MNAT1: variants seen among roughly 807,000 people sequenced by gnomAD.
MNAT1 encodes MNAT1 component of CDK activating kinase, also known as CDK-activating kinase assembly factor MAT1.
MNAT1 carries 43 observed loss-of-function variants against 42.0 expected under a neutral mutation model. That is an observed-to-expected ratio of 1.02 (90% CI 0.80 to 1.32). The LOEUF (loss-of-function observed/expected upper bound fraction) is 1.32. Among genes scored for constraint, MNAT1 ranks in the 40% most tolerant of loss-of-function variants. The pLI is 0.00. For synonymous variants in MNAT1, 118 were observed against 120.0 expected, an observed-to-expected ratio of 0.98 and a Z score of 0.11; for missense variants, 306 against 350.4, an observed-to-expected ratio of 0.87 and a Z score of 1.01.
chr14:60,862,978 T>G (rs2034130202), intron 6 of MNAT1, among the ~76,000 whole-genome samples: 2 of 152,082 alleles, frequency 1.3e-5, no homozygotes, highest in South Asian at 4.1e-4. Flanking sequence ...TGGATGAGTT[T>G]TAATAAAAAT....
intron 7 of MNAT1, among the ~76,000 whole-genome samples, chr14:60,884,080 C>G (rs538923736): frequency 6.6e-6 from 1 of 151,552 alleles, no homozygotes; most frequent in South Asian, 2.1e-4. Flanking sequence ...TCTGATTGCT[C>G]TAGCTAGGAC....
At chr14:60,759,420 A>G (rs2030502590) in intron 1 of MNAT1, among the ~76,000 whole-genome samples, 1 of 152,224 alleles carries the variant, frequency 6.6e-6, no homozygotes, top group African/African-American at 2.4e-5. Context: ...AACAAAACAA[A>G]AAATGAATTA....
chr14:60,827,281 A>C (rs1270949376), intron 6 of MNAT1, among the ~76,000 whole-genome samples: 1 of 152,178 alleles, frequency 6.6e-6, no homozygotes, highest in Non-Finnish European at 1.5e-5. Context: ...CTTTTTAAGT[A>C]TTTTAACCCT....
At chr14:60,741,083 T>C (rs565086596) in intron 1 of MNAT1, among the ~76,000 whole-genome samples, 2 of 152,336 alleles carry the variant, frequency 1.3e-5, no homozygotes, top group African/African-American at 4.8e-5. Flanking sequence ...CATTTCTCCT[T>C]TTATCATTAT....
rs559243210 is a variant in MNAT1, at chr14:60,797,427, T to G, written c.243-660T>G. On this transcript the variant is annotated intron_variant, in intron 2 of 7. Coordinates refer to ENST00000261245, the MANE Select transcript of MNAT1 (RefSeq NM_002431.4). Reference sequence around the variant, plus strand: ...TGTGTTTTGGAAATTAGTGAATCCCTTAGAAGTAAATAATACCATAATTTC... The same window carrying G: ...TGTGTTTTGGAAATTAGTGAATCCCGTAGAAGTAAATAATACCATAATTTC... 6.7e-4 allele frequency among the ~76,000 whole-genome samples: 102 copies of G among 151,454 alleles called. No individual in the cohort carries two copies. In the South Asian group the frequency reaches 0.022, roughly 32 times the overall value.
At chr14:60,900,048 ATCTC>A (rs61149455) in intron 7 of MNAT1, among the ~76,000 whole-genome samples, 2,735 of 136,376 alleles carry the variant, frequency 0.02, 62 homozygotes, top group African/African-American at 0.063. Context: ...CTGTTTCCCC[ATCTC>A]TCTCTCTCTC....
At chr14:60,858,904 C>T (rs1288552862) in intron 6 of MNAT1, among the ~76,000 whole-genome samples, 1 of 152,184 alleles carries the variant, frequency 6.6e-6, no homozygotes, top group Non-Finnish European at 1.5e-5. Flanking sequence ...AGAGTATAAA[C>T]ATAGCTTTTA....
At chr14:60,959,420 C>A (rs949442608) in intron 7 of MNAT1, among the ~76,000 whole-genome samples, 19 of 152,204 alleles carry the variant, frequency 1.2e-4, no homozygotes, top group African/African-American at 3.9e-4. Flanking sequence ...CCAGTCTCTT[C>A]AGCAATCTGG....
At chr14:60,873,663 G>GGTC in intron 6 of MNAT1, among the ~76,000 whole-genome samples, 1 of 147,440 alleles carries the variant, frequency 6.8e-6, no homozygotes, top group Non-Finnish European at 1.5e-5. Context: ...TTGTAGAGAT[G>GGTC]GCTCACTATG....
intron 7 of MNAT1, among the ~76,000 whole-genome samples, chr14:60,910,231 T>G (rs147275423): frequency 1.8e-4 from 28 of 152,056 alleles, no homozygotes; most frequent in African/African-American, 6.5e-4. Flanking sequence ...TGGGCCGAGA[T>G]GATGGGGTTT....
intron 7 of MNAT1, among the ~76,000 whole-genome samples, chr14:60,923,733 C>CT (rs908787785): frequency 3.9e-5 from 6 of 152,114 alleles, no homozygotes; most frequent in South Asian, 2.1e-4. Flanking sequence ...AATCCCAGTA[C>CT]TTTGAGAGGC....
At chr14:60,898,120 TGTGTGTGTGTGTGTGTGTGTGC>T (rs1295383836) in intron 7 of MNAT1, among the ~76,000 whole-genome samples, 6 of 80,044 alleles carry the variant, frequency 7.5e-5, no homozygotes, top group East Asian at 3.1e-4. Context: ...TGTGTGTGTG[TGTGTGTGTGTGTGTGTGTGTGC>T]GCGCGCCACA....
intron 6 of MNAT1, among the ~76,000 whole-genome samples, chr14:60,872,311 C>A (rs555867050): frequency 1.4e-4 from 22 of 152,160 alleles, no homozygotes; most frequent in Non-Finnish European, 2.5e-4. Flanking sequence ...GACCCAAACA[C>A]CTCCCACTAG....
chr14:60,932,783 T>A (rs2035916717), intron 7 of MNAT1, among the ~76,000 whole-genome samples: 1 of 152,080 alleles, frequency 6.6e-6, no homozygotes, highest in South Asian at 2.1e-4. Context: ...GTGTTAGAGA[T>A]CATACTTATT....
At chr14:60,862,356 G>A (rs1333193147) in intron 6 of MNAT1, among the ~76,000 whole-genome samples, 1 of 152,126 alleles carries the variant, frequency 6.6e-6, no homozygotes, top group African/African-American at 2.4e-5. Flanking sequence ...AACTCTTTGT[G>A]CAATTAAGAG....
chr14:60,751,644 T>G (rs1372323654), intron 1 of MNAT1, among the ~76,000 whole-genome samples: 1 of 151,936 alleles, frequency 6.6e-6, no homozygotes, highest in Non-Finnish European at 1.5e-5. Context: ...ATAGATTATT[T>G]ACATGTACAA....
intron 6 of MNAT1, among the ~76,000 whole-genome samples, chr14:60,836,201 A>T (rs1242094016): frequency 1.3e-5 from 2 of 151,754 alleles, no homozygotes; most frequent in Non-Finnish European, 2.9e-5. Context: ...AGCTCAGAGG[A>T]GTTTGTTATT....
chr14:60,949,037 T>C (rs1252195771), intron 7 of MNAT1, among the ~76,000 whole-genome samples: 1 of 152,212 alleles, frequency 6.6e-6, no homozygotes, highest in Non-Finnish European at 1.5e-5. Context: ...TAAAATTTAT[T>C]TTTAATAATC....
At chr14:60,741,658 G>GTTTGT (rs1896464766) in intron 1 of MNAT1, among the ~76,000 whole-genome samples, 1 of 92,022 alleles carries the variant, frequency 1.1e-5, no homozygotes, top group Non-Finnish European at 2.0e-5. Context: ...TGCGCCTGGG[G>GTTTGT]TTTTTTTTTT....
Sources: gnomAD v4.1 joint callset for allele counts (sites outside exome capture counted in the v4.1 genomes callset) on GRCh38, gnomAD v4.1.1 for gene constraint, MANE v1.5 for transcripts, NCBI Gene and HGNC (gene_info 2026-07-23, HGNC 2026-07-21) for gene names.